The following ST18 variants were observed in gnomAD, a reference collection of about 807,000 sequenced individuals.
ST18 encodes the protein suppression of tumorigenicity 18 protein.
A neutral mutation model predicts 110.0 loss-of-function variants in ST18; 50 were observed. That is an observed-to-expected ratio of 0.45 (90% CI 0.36 to 0.58). ST18 has a LOEUF of 0.58. Among genes scored for constraint, ST18 ranks in the 20% least tolerant of loss-of-function variants. The probability of loss-of-function intolerance (pLI) is 0.00; values close to 1 mark genes in which losing one functional copy is unlikely to be tolerated. For synonymous variants in ST18, 461 were observed against 452.4 expected (o/e 1.02, Z -0.24); for missense variants, 1,306 against 1,280.1 (o/e 1.02, Z -0.31).
intron 17 of ST18, 27 bp downstream of exon 17, chr8:52,142,903 G>A: frequency 6.8e-7 from 1 of 1,461,642 alleles, no homozygotes; most frequent in Non-Finnish European, 9.6e-7. Context: ...CAGAATCTTA[G>A]AGGGCATGGC....
At chr8:52,393,978 C>CTT (rs1363402078) in intron 2 of ST18, 1 of 152,074 alleles carries the variant, frequency 6.6e-6, no homozygotes, top group Non-Finnish European at 1.5e-5. Context: ...ACATGCATCT[C>CTT]TGTCTCTCTC....
At chr8:52,357,263 G>A (rs1441142721) in intron 2 of ST18, among the ~76,000 whole-genome samples, 2 of 151,968 alleles carry the variant, frequency 1.3e-5, no homozygotes, top group South Asian at 4.1e-4. Flanking sequence ...ATTAAGAATT[G>A]AGAAACAAAA....
intron 3 of ST18, among the ~76,000 whole-genome samples, chr8:52,225,088 C>T (rs1174539395): frequency 6.6e-6 from 1 of 152,198 alleles, no homozygotes; most frequent in Non-Finnish European, 1.5e-5. Context: ...ATTGTACTTA[C>T]ACTAGTAGGC....
chr8:52,260,704 A>G (rs912343958), intron 2 of ST18, among the ~76,000 whole-genome samples: 2 of 152,188 alleles, frequency 1.3e-5, no homozygotes, highest in Non-Finnish European at 2.9e-5. Flanking sequence ...TCCTTCTTCT[A>G]TACACATACA....
At chr8:52,287,525 C>A (rs775163050) in intron 2 of ST18, among the ~76,000 whole-genome samples, 1 of 152,070 alleles carries the variant, frequency 6.6e-6, no homozygotes, top group Non-Finnish European at 1.5e-5. Flanking sequence ...AGACACAGAG[C>A]AACATCTAGA....
intron 2 of ST18, among the ~76,000 whole-genome samples, chr8:52,231,025 G>A (rs1244717984): frequency 2.6e-5 from 4 of 152,136 alleles, no homozygotes; most frequent in South Asian, 2.1e-4. Flanking sequence ...AAATATCTTA[G>A]CATTGCTCGT....
At chr8:52,285,524 C>T (rs867595141) in intron 2 of ST18, among the ~76,000 whole-genome samples, 2 of 152,256 alleles carry the variant, frequency 1.3e-5, no homozygotes, top group South Asian at 4.2e-4. Flanking sequence ...AGACTGGTCA[C>T]GATTAGTGTT....
intron 2 of ST18, among the ~76,000 whole-genome samples, chr8:52,398,223 G>T (rs1405307194): frequency 6.6e-6 from 1 of 151,944 alleles, no homozygotes; most frequent in African/African-American, 2.4e-5. Flanking sequence ...TTCCAGCTTG[G>T]ATGTTATTTA....
chr8:52,180,379 T>C, intron 8 of ST18, 67 bp from the exon 9 acceptor site: 1 of 1,564,132 alleles, frequency 6.4e-7, no homozygotes, highest in Non-Finnish European at 8.7e-7. Context: ...CATTTAACTT[T>C]CATGAAGTCT....
chr8:52,216,221 C>G (rs951727844), intron 6 of ST18, among the ~76,000 whole-genome samples: 44 of 152,140 alleles, frequency 2.9e-4, no homozygotes, highest in African/African-American at 9.9e-4. Flanking sequence ...TTCTATTTTG[C>G]AATTCAGCTA....
rs1343165533 is a variant in ST18, at chr8:52,209,778, A to T, written c.86+2301T>A. On this transcript the variant is annotated intron_variant, in intron 8 of 25. Transcript: ENST00000689386. ...AGAGCGAAACTCCATCTCAAAAAAA[A>T]AAAAAAAAAAATATATATATATATA... Among the ~76,000 whole-genome samples, 34 of 136,350 alleles carry T rather than the reference A, an allele frequency of 2.5e-4. No individual in the cohort carries two copies. The Middle Eastern group carries it at 0.011, about 46-fold the overall frequency. 89.5% of individuals were successfully genotyped at this position (136,350 alleles called of 152,430 possible).
intron 10 of ST18, among the ~76,000 whole-genome samples, chr8:52,169,750 TA>T (rs1248640655): frequency 7.2e-5 from 11 of 152,296 alleles, no homozygotes; most frequent in African/African-American, 2.4e-4. Flanking sequence ...TCCTCTAGAC[TA>T]AGCCTGTGGC....
At chr8:52,185,490 G>C (rs1422876833) in intron 8 of ST18, among the ~76,000 whole-genome samples, 1 of 152,186 alleles carries the variant, frequency 6.6e-6, no homozygotes, top group Non-Finnish European at 1.5e-5. Flanking sequence ...GAACAACAAA[G>C]TTGGAAGCCT....
intron 16 of ST18, among the ~76,000 whole-genome samples, chr8:52,148,985 G>A (rs1162790319): frequency 6.6e-6 from 1 of 152,186 alleles, no homozygotes; most frequent in East Asian, 1.9e-4. Flanking sequence ...CTGACTTACT[G>A]TAATAATTAA....
intron 2 of ST18, among the ~76,000 whole-genome samples, chr8:52,391,080 C>A (rs538385397): frequency 6.6e-6 from 1 of 152,152 alleles, no homozygotes; most frequent in African/African-American, 2.4e-5. Context: ...ATTGTGCACT[C>A]GGCAAAGTTT....
In ST18 at chr8:52,126,182, A is replaced by G. The variant is rs1469517126; in HGVS notation, c.2667-42T>C. 4 of 1,562,430 alleles carry G rather than the reference A, an allele frequency of 2.6e-6. No individual in the cohort carries two copies. The African/African-American group carries it at 5.5e-5, about 21-fold the overall frequency. ...TGTACTAATGTATGAAATGTATATGATTTCTTATAAAAATTAAAATGTTTT... is the reference window on the plus strand; with the variant it reads ...TGTACTAATGTATGAAATGTATATGGTTTCTTATAAAAATTAAAATGTTTT... On this transcript the variant is annotated intron_variant, in intron 22 of 25. Transcript: ENST00000689386.
chr8:52,345,001 A>C (rs1817062347), intron 2 of ST18, among the ~76,000 whole-genome samples: 1 of 152,194 alleles, frequency 6.6e-6, no homozygotes, highest in Non-Finnish European at 1.5e-5. Context: ...ATTTGAGCTT[A>C]AGTGACTTTG....
intron 2 of ST18, among the ~76,000 whole-genome samples, chr8:52,282,891 A>G (rs1380991405): frequency 6.6e-6 from 1 of 152,144 alleles, no homozygotes; most frequent in Non-Finnish European, 1.5e-5. Flanking sequence ...TTCTCACCCA[A>G]GAGAACGGAA....
At chr8:52,184,774 C>T (rs190596589) in intron 8 of ST18, among the ~76,000 whole-genome samples, 17 of 152,164 alleles carry the variant, frequency 1.1e-4, no homozygotes, top group African/African-American at 4.1e-4. Flanking sequence ...GCACACATCC[C>T]CAAAAGAATA....
Sources: allele counts gnomAD v4.1 joint callset (sites outside exome capture counted in the v4.1 genomes callset), GRCh38; gene constraint gnomAD v4.1.1; transcripts MANE v1.5; gene names NCBI Gene and HGNC (gene_info 2026-07-23, HGNC 2026-07-21).